Variants in IRX2 observed in about 807,000 individuals in gnomAD.
IRX2 encodes the protein iroquois homeobox 2.
A neutral mutation model predicts 42.9 loss-of-function variants in IRX2; 26 were observed. The observed-to-expected ratio is 0.61, with a 90% CI of 0.44 to 0.84. IRX2 has a LOEUF of 0.84. IRX2 is among the 40% of genes least tolerant of loss of function. IRX2 has a pLI of 0.00. For synonymous variants in IRX2, 424 were observed against 353.9 expected (o/e 1.20, Z -2.22); for missense variants, 782 against 713.9 (o/e 1.10, Z -1.09).
At position 2,747,500 on chromosome 5, in the gene IRX2, AG is replaced by A. The variant is rs1737715326; in HGVS notation, c.*63del. ...ACACATTAAGCAAGTTGGTGCTGGG[AG>A]GCTCCACAGGGTCTGGGAAGCACCA... On this transcript the variant is annotated 3_prime_UTR_variant, in exon 4 of 4. Transcript: ENST00000302057. The A allele has an allele frequency of 7.1e-7, 1 of 1,413,828 alleles. No individual in the cohort carries two copies. Among genetic ancestry groups the A allele is most frequent in the Non-Finnish European group, 1.0e-6 (1 of 1,000,070 alleles). 87.6% of individuals were successfully genotyped at this position (1,413,828 alleles called of 1,614,324 possible).
chr5:2,749,095 C>G, intron 2 of IRX2, 43 bp from the exon 3 acceptor site: 1 of 1,581,418 alleles, frequency 6.3e-7, no homozygotes, highest in Non-Finnish European at 8.5e-7. Context: ...GGGGACAGCG[C>G]AGGCACCTGG....
chr5:2,738,975 A>G, the IRX2 span, among the ~76,000 whole-genome samples: 5 of 151,770 alleles, frequency 3.3e-5, no homozygotes, highest in South Asian at 2.1e-4. Flanking sequence ...GTGGGATGGG[A>G]CTCAGGCGAC....
rs939492479 is a variant in IRX2, at chr5:2,751,542, C to A, written c.-129G>T. The A allele has an allele frequency of 3.4e-5, 19 of 553,884 alleles. No homozygotes were observed. The Middle Eastern group carries it at 3.5e-3, about 103-fold the overall frequency. 34.3% of individuals were successfully genotyped at this position (553,884 alleles called of 1,614,324 possible). On this transcript the variant is annotated 5_prime_UTR_variant, in exon 1 of 4. Coordinates refer to ENST00000302057, the MANE Select transcript of IRX2 (RefSeq NM_033267.5). The surrounding 1 kb of genome is among the most constrained non-coding windows in gnomAD (Gnocchi z 4.0). ...GGACGGCCGGCGGAGGCAGGCCGGCCCGGGTACTAGCCTGGGCGGCCCGCG... is the reference window on the plus strand; with the variant it reads ...GGACGGCCGGCGGAGGCAGGCCGGCACGGGTACTAGCCTGGGCGGCCCGCG...
downstream of IRX2, among the ~76,000 whole-genome samples, chr5:2,741,621 G>A (rs1258212255): frequency 6.6e-6 from 1 of 152,130 alleles, no homozygotes; most frequent in Admixed American, 6.5e-5. Flanking sequence ...TAACCGTGCT[G>A]TTGACACTAA....
chr5:2,751,140 C>T lies in IRX2; in HGVS notation c.249+25G>A, dbSNP rs922589519. ...GTCTGGGTCCCGGCGCCCAGGAGTC[C>T]CGCGTCCCGCCCGCGCCCGGTTACC... On this transcript the variant is annotated intron_variant, in intron 1 of 3. Transcript: ENST00000302057. The surrounding 1 kb of genome is among the most constrained non-coding windows in gnomAD (Gnocchi z 4.0). 7.3e-6 allele frequency: 9 copies of T among 1,233,214 alleles called. No homozygotes were observed. Among genetic ancestry groups the T allele is most frequent in the African/African-American group, 3.2e-5 (2 of 63,220 alleles). 76.4% of individuals were successfully genotyped at this position (1,233,214 alleles called of 1,614,324 possible).
the IRX2 span, chr5:2,737,020 CG>C: frequency 6.6e-6 from 1 of 152,340 alleles, no homozygotes; most frequent in East Asian, 1.9e-4. Context: ...GTCCCCACTG[CG>C]GCCATCTCCG....
At chr5:2,744,582 C>T (rs1338922743), downstream of IRX2, among the ~76,000 whole-genome samples, 1 of 152,080 alleles carries the variant, frequency 6.6e-6, no homozygotes, top group Non-Finnish European at 1.5e-5. Context: ...ATACTCAATC[C>T]CCCTTTTACC....
downstream of IRX2, among the ~76,000 whole-genome samples, chr5:2,742,865 CA>C: frequency 2.6e-5 from 4 of 152,116 alleles, no homozygotes; most frequent in Admixed American, 2.6e-4. Context: ...TTAGTATGTA[CA>C]TTCACTCCGT....
At chr5:2,749,099 C>T in intron 2 of IRX2, 47 bp from the exon 3 acceptor site, 1 of 1,575,818 alleles carries the variant, frequency 6.3e-7, no homozygotes. Flanking sequence ...ACAGCGCAGG[C>T]ACCTGGAGCC....
chr5:2,737,480 G>A, the IRX2 span, among the ~76,000 whole-genome samples: 54 of 152,300 alleles, frequency 3.5e-4, no homozygotes, highest in Non-Finnish European at 5.0e-4. Flanking sequence ...AGCCTGCTAC[G>A]TGGGGCCCGG....
chr5:2,738,528 C>T, the IRX2 span, among the ~76,000 whole-genome samples: 3 of 152,182 alleles, frequency 2.0e-5, no homozygotes, highest in Non-Finnish European at 1.5e-5. Context: ...GTCCTCCCGG[C>T]CGCCTCTTTG....
chr5:2,747,442 TGTCTTCTAACCCCATGACCAGAAGCAA>T lies in IRX2; in HGVS notation c.*95_*121del. ...AAAGCTGGACAAGATTGAAATGCTC[TGTCTTCTAACCCCATGACCAGAAGCAA>T]GAAAAACACATTAAGCAAGTTGGTG... On this transcript the variant is annotated 3_prime_UTR_variant, in exon 4 of 4. Coordinates refer to ENST00000302057, the MANE Select transcript of IRX2 (RefSeq NM_033267.5). The T allele has an allele frequency of 2.8e-6, 2 of 726,236 alleles. No individual in the cohort carries two copies. The highest frequency in any genetic ancestry group is 4.7e-6 in the Non-Finnish European group (2 of 425,964). The allele number at this position is 726,236 out of a possible 1,614,324, so 45.0% of individuals were successfully genotyped here. A position where few individuals can be genotyped will look rare whatever the true frequency, so the allele number is the denominator to read the frequency against.
chr5:2,749,902 T>C (rs890381928), intron 1 of IRX2, 115 bp from the exon 2 acceptor site: 1 of 1,107,128 alleles, frequency 9.0e-7, no homozygotes, highest in South Asian at 1.6e-5. Flanking sequence ...AGTCTGGCTC[T>C]GGGGCTGCGC....
At chr5:2,736,182 G>A in the IRX2 span, among the ~76,000 whole-genome samples, 1 of 152,232 alleles carries the variant, frequency 6.6e-6, no homozygotes, top group East Asian at 1.9e-4. Flanking sequence ...AACAGCCCTC[G>A]GGTAGGTGAT....
rs34380307 is a variant in IRX2, at chr5:2,747,319, ATT to A, written c.*243_*244del. 3.1e-3 allele frequency: 933 copies of A among 296,896 alleles called. 9 individuals are homozygous for A. The highest frequency in any genetic ancestry group is 0.017 in the Middle Eastern group (16 of 922). 18.4% of individuals were successfully genotyped at this position (296,896 alleles called of 1,614,324 possible). Reference sequence around the variant, plus strand: ...CACACACACACACATATATATATATATTTTTTTTTTCCTTCCCTAGGTAAAGG... The same window carrying A: ...CACACACACACACATATATATATATATTTTTTTTCCTTCCCTAGGTAAAGG... On this transcript the variant is annotated 3_prime_UTR_variant, in exon 4 of 4. Coordinates refer to ENST00000302057, the MANE Select transcript of IRX2 (RefSeq NM_033267.5).
Position 2,748,536 on chromosome 5 carries a change from T to G in IRX2, c.1172A>C (p.Asn391Thr), listed in dbSNP as rs141521193. The G allele has an allele frequency of 6.3e-7, 1 of 1,579,102 alleles. No homozygotes were observed. The highest frequency in any genetic ancestry group is 2.5e-5 in the East Asian group (1 of 40,132). Residue 391 changes from asparagine (N) to threonine (T), a missense_variant, in exon 3 of 4, where the codon AAC becomes ACC. By Grantham distance (65) the Asn-to-Thr change is moderately conservative. This residue lies in a region of IRX2 where 520 missense variants were observed against 437.8 expected (regional missense o/e 1.19). Coordinates refer to ENST00000302057, the MANE Select transcript of IRX2 (RefSeq NM_033267.5). Reference sequence around the variant, plus strand: ...GTTCAAGTTCCCGTAGTTTGTGTAGTTGCCGTAGAAGGGCGACGTGTAGTA... The same window carrying G: ...GTTCAAGTTCCCGTAGTTTGTGTAGGTGCCGTAGAAGGGCGACGTGTAGTA... ...PLYYTSPFYG[N>T]YTNYGNLNAA...
rs1037192052 is a variant in IRX2 at position 2,751,159 on chromosome 5, G to C, written c.249+6C>G. On this transcript the variant is annotated splice_donor_region_variant and intron_variant, in intron 1 of 3. Transcript: ENST00000302057. This position sits in a 1 kb window ranked among gnomAD's most constrained non-coding sequence, Gnocchi z 4.0. Reference sequence around the variant, plus strand: ...GGAGTCCCGCGTCCCGCCCGCGCCCGGTTACCATGTAGGACGGGAAGCCGG... The same window carrying C: ...GGAGTCCCGCGTCCCGCCCGCGCCCCGTTACCATGTAGGACGGGAAGCCGG... 1.1e-5 allele frequency: 14 copies of C among 1,244,064 alleles called. No individual in the cohort carries two copies. The highest frequency in any genetic ancestry group is 2.8e-5 in the South Asian group (1 of 35,552). The allele number at this position is 1,244,064 out of a possible 1,614,324, so 77.1% of individuals were successfully genotyped here. A position where few individuals can be genotyped will look rare whatever the true frequency, so the allele number is the denominator to read the frequency against.
intron 2 of IRX2, 97 bp from the exon 3 acceptor site, chr5:2,749,149 G>C (rs917697623): frequency 1.4e-5 from 21 of 1,507,496 alleles, no homozygotes; most frequent in Middle Eastern, 2.2e-4. Flanking sequence ...CCCTCCCCAC[G>C]GGACCCCTCA....
At position 2,751,528 on chromosome 5, in the gene IRX2, G is replaced by T; in HGVS notation, c.-115C>A. 1.4e-6 allele frequency: 1 copy of T among 728,566 alleles called. No homozygotes were observed. Among genetic ancestry groups the T allele is most frequent in the Non-Finnish European group, 1.7e-6 (1 of 599,140 alleles). 45.1% of individuals were successfully genotyped at this position (728,566 alleles called of 1,614,324 possible). A position where few individuals can be genotyped will look rare whatever the true frequency, so the allele number is the denominator to read the frequency against. Reference sequence around the variant, plus strand: ...GGCGGCGGGCACCCGGACGGCCGGCGGAGGCAGGCCGGCCCGGGTACTAGC... The same window carrying T: ...GGCGGCGGGCACCCGGACGGCCGGCTGAGGCAGGCCGGCCCGGGTACTAGC... On this transcript the variant is annotated 5_prime_UTR_variant, in exon 1 of 4. Coordinates refer to ENST00000302057, the MANE Select transcript of IRX2 (RefSeq NM_033267.5). The surrounding 1 kb of genome is among the most constrained non-coding windows in gnomAD (Gnocchi z 4.0).
Sources: allele counts gnomAD v4.1 joint callset (sites outside exome capture counted in the v4.1 genomes callset), GRCh38; gene constraint gnomAD v4.1.1; regional missense constraint gnomAD v4.1.1; non-coding constraint Gnocchi (gnomAD v3.1); transcripts MANE v1.5; gene names NCBI Gene and HGNC (gene_info 2026-07-23, HGNC 2026-07-21).